Variants in SP100 observed in about 807,000 individuals in gnomAD.
The protein encoded by SP100 is SP100 nuclear body protein, also known as nuclear autoantigen Sp-100.
SP100 carries 84 observed loss-of-function variants against 130.0 expected under a neutral mutation model. The observed-to-expected ratio is 0.65, with a 90% CI of 0.54 to 0.77. The LOEUF (loss-of-function observed/expected upper bound fraction) is 0.77. Ranked by LOEUF, SP100 falls within the 30% of genes least tolerant of loss-of-function variation. SP100 has a pLI of 0.00. For synonymous variants in SP100, 331 were observed against 351.7 expected (o/e 0.94, Z 0.66); for missense variants, 978 against 1,052.2 (o/e 0.93, Z 0.97).
intron 4 of SP100, among the ~76,000 whole-genome samples, chr2:230,445,769 G>A (rs1369740447): frequency 6.6e-6 from 1 of 152,152 alleles, no homozygotes; most frequent in Non-Finnish European, 1.5e-5. Context: ...ATTCTCAGGG[G>A]CTCTGTTCCT....
intron 23 of SP100, chr2:230,509,834 C>G (rs1385652087): frequency 6.6e-6 from 1 of 152,182 alleles, no homozygotes; most frequent in Non-Finnish European, 1.5e-5. Flanking sequence ...ACCTCTTCTC[C>G]CAAGTGACAA....
At chr2:230,462,363 G>C in intron 9 of SP100, 72 bp from the exon 10 acceptor site, 2 of 1,210,462 alleles carry the variant, frequency 1.7e-6, no homozygotes, top group South Asian at 2.5e-5. Flanking sequence ...TGCTCTCATT[G>C]TGGAATTTCC....
rs114516364 is a variant in SP100 at position 230,436,494 on chromosome 2, C to T, written c.108-6443C>T. On this transcript the variant is annotated intron_variant, in intron 2 of 28. Transcript: ENST00000340126. The stretch of plus-strand genomic sequence containing the variant: ...GATCTGATGGTATAAGGGCCTCTTC[C>T]GCCTTCACCTGGCACTTCTCCTTCC... Among the ~76,000 whole-genome samples, 1,413 of 152,162 alleles carry T rather than the reference C, an allele frequency of 9.3e-3. 22 individuals carry two copies. The highest frequency in any genetic ancestry group is 0.032 in the African/African-American group (1,345 of 41,482).
intron 1 of SP100, chr2:230,416,979 T>TCAACTCA: frequency 1.4e-6 from 1 of 704,980 alleles, no homozygotes; most frequent in Non-Finnish European, 1.7e-6. Flanking sequence ...CTAACTTTTC[T>TCAACTCA]CTAGTAGTGA....
intron 8 of SP100, among the ~76,000 whole-genome samples, chr2:230,460,379 C>T (rs949855452): frequency 1.3e-5 from 2 of 151,946 alleles, no homozygotes; most frequent in African/African-American, 4.8e-5. Flanking sequence ...GGGGATTTGG[C>T]TTCTTTTGGG....
At chr2:230,531,351 T>C (rs1691691873) in intron 24 of SP100, among the ~76,000 whole-genome samples, 1 of 149,362 alleles carries the variant, frequency 6.7e-6, no homozygotes, top group African/African-American at 2.5e-5. Flanking sequence ...TTCTCACTCA[T>C]AGGTGGAGTT....
At chr2:230,498,387 A>T (rs564345242) in intron 18 of SP100, 74 bp from the exon 19 acceptor site, 37 of 838,812 alleles carry the variant, frequency 4.4e-5, no homozygotes, top group Admixed American at 2.5e-4. Context: ...AGCTAAATAA[A>T]ATTTTTGAAA....
chr2:230,418,815 G>A (rs2062689720), intron 2 of SP100, among the ~76,000 whole-genome samples: 1 of 152,070 alleles, frequency 6.6e-6, no homozygotes, highest in South Asian at 2.1e-4. Flanking sequence ...GCCGGTGACA[G>A]CCCCTCCTTA....
At chr2:230,522,805 T>A (rs528895512) in intron 24 of SP100, among the ~76,000 whole-genome samples, 8 of 151,864 alleles carry the variant, frequency 5.3e-5, no homozygotes, top group African/African-American at 1.2e-4. Flanking sequence ...TTCTATTTTT[T>A]AAAAAATATT....
At chr2:230,523,972 C>CT (rs1691293026) in intron 24 of SP100, among the ~76,000 whole-genome samples, 1 of 151,454 alleles carries the variant, frequency 6.6e-6, no homozygotes, top group Non-Finnish European at 1.5e-5. Context: ...GCATATATTT[C>CT]TGTCTGGATT....
intron 24 of SP100, among the ~76,000 whole-genome samples, chr2:230,523,909 C>CA (rs968309896): frequency 8.0e-4 from 114 of 143,266 alleles, no homozygotes; most frequent in African/African-American, 1.2e-3. Flanking sequence ...GACTCCATCT[C>CA]AAAAAAAAAA....
intron 24 of SP100, chr2:230,537,838 G>T (rs1692007074): frequency 6.6e-6 from 1 of 152,166 alleles, no homozygotes; most frequent in Non-Finnish European, 1.5e-5. Context: ...AATACAGTTC[G>T]ATCACAATTG....
chr2:230,521,882 T>A (rs1282092281), intron 24 of SP100, among the ~76,000 whole-genome samples: 1 of 152,196 alleles, frequency 6.6e-6, no homozygotes, highest in African/African-American at 2.4e-5. Flanking sequence ...TGCATCTGGA[T>A]AGATGAGTAT....
chr2:230,502,956 T>A lies in SP100; in HGVS notation c.1721-110T>A. 1.4e-5 allele frequency: 11 copies of A among 813,954 alleles called. 1 individual carries two copies. Among genetic ancestry groups the A allele is most frequent in the Admixed American group, 1.3e-4 (5 of 39,058 alleles). 50.4% of individuals were successfully genotyped at this position (813,954 alleles called of 1,614,324 possible). The stretch of plus-strand genomic sequence containing the variant: ...AAAAGTTCCCGACTCCTGATATTTT[T>A]CTTTAAGTTCTAGACAGGATCCTGA... On this transcript the variant is annotated intron_variant, in intron 19 of 28. Coordinates refer to ENST00000340126, the MANE Select transcript of SP100 (RefSeq NM_001080391.2).
At chr2:230,473,236 G>A (rs2065363064) in intron 15 of SP100, 88 bp from the exon 16 acceptor site, 2 of 786,906 alleles carry the variant, frequency 2.5e-6, no homozygotes, top group Admixed American at 2.0e-5. Flanking sequence ...TTTAGCTGTG[G>A]GGAGTGGGCA....
rs566124075 is a variant in SP100 at position 230,438,811 on chromosome 2, G to A, written c.108-4126G>A. Among the ~76,000 whole-genome samples the A allele has an allele frequency of 5.9e-5, 9 of 151,994 alleles. No homozygotes were observed. The South Asian group carries it at 1.2e-3, about 21-fold the overall frequency. ...TTCCACATTTTCTCAATTGCTAATT[G>A]TGCTGCTATAAACGCGTGTGCAAAT... On this transcript the variant is annotated intron_variant, in intron 2 of 28. Transcript: ENST00000340126.
At chr2:230,468,994 T>G (rs1480267153) in intron 13 of SP100, 49 bp from the exon 14 acceptor site, 1 of 1,151,284 alleles carries the variant, frequency 8.7e-7, no homozygotes, top group African/African-American at 1.5e-5. Context: ...ATAAGATTTA[T>G]AGATCTTTTA....
chr2:230,440,399 C>A, intron 2 of SP100: 2 of 421,998 alleles, frequency 4.7e-6, no homozygotes, highest in Non-Finnish European at 7.3e-6. Context: ...TTTAAAGTAA[C>A]ACCAAAACAA....
intron 2 of SP100, among the ~76,000 whole-genome samples, chr2:230,432,152 A>AC (rs1342308262): frequency 6.6e-6 from 1 of 152,078 alleles, no homozygotes; most frequent in Non-Finnish European, 1.5e-5. Flanking sequence ...ACGGTCTTTT[A>AC]CATCTGGGTT....
Sources: allele counts gnomAD v4.1 joint callset (sites outside exome capture counted in the v4.1 genomes callset), GRCh38; gene constraint gnomAD v4.1.1; transcripts MANE v1.5; gene names NCBI Gene and HGNC (gene_info 2026-07-23, HGNC 2026-07-21).